The following IPCEF1 variants were observed in gnomAD, a reference collection of about 807,000 sequenced individuals.
The protein encoded by IPCEF1 is interaction protein for cytohesin exchange factors 1.
Under a neutral mutation model 50.9 loss-of-function variants are expected in IPCEF1, and 31 were observed. That is an observed-to-expected ratio of 0.61 (90% CI 0.46 to 0.82). The LOEUF (loss-of-function observed/expected upper bound fraction) is 0.82, where lower values mean the gene tolerates loss of function less well. Ranked by LOEUF, IPCEF1 falls within the 40% of genes least tolerant of loss-of-function variation. The pLI is 0.00. For missense variants in IPCEF1, 458 were observed against 514.0 expected (o/e 0.89, Z 1.05); for synonymous variants, 181 against 192.0 (o/e 0.94, Z 0.47).
chr6:154,237,877 TA>T (rs1338390471), intron 5 of IPCEF1, among the ~76,000 whole-genome samples: 3 of 152,300 alleles, frequency 2.0e-5, no homozygotes, highest in Non-Finnish European at 2.9e-5. Flanking sequence ...TGTCAATACT[TA>T]TACATTTATG....
chr6:154,159,951 G>A lies in IPCEF1; in HGVS notation c.1194C>T (p.Asn398=). Residue 398 remains asparagine (N), a synonymous_variant, in exon 12 of 12, where the codon AAC becomes AAT. Transcript: ENST00000367220. The part of the protein sequence containing the change: ...ARKYREWKVM[N]TLLIQDIYQQ... ...GATAGATGTCCTGGATCAGCAGGGT[G>A]TTCATGACTTTCCACTCTCTGTATT... The A allele has an allele frequency of 1.2e-6, 2 of 1,613,482 alleles. No homozygotes were observed. Among genetic ancestry groups the A allele is most frequent in the Non-Finnish European group, 1.7e-6 (2 of 1,179,964 alleles).
At chr6:154,280,986 G>A (rs926925637) in intron 2 of IPCEF1, among the ~76,000 whole-genome samples, 3 of 152,000 alleles carry the variant, frequency 2.0e-5, no homozygotes, top group Non-Finnish European at 2.9e-5. Context: ...GATTGTTTGA[G>A]GCCAGGAGTT....
At chr6:154,263,853 G>A (rs1256835119) in intron 3 of IPCEF1, among the ~76,000 whole-genome samples, 1 of 43,018 alleles carries the variant, frequency 2.3e-5, no homozygotes, top group Non-Finnish European at 4.9e-5. Flanking sequence ...CTCCCGGACG[G>A]GGCGGCTGGC....
intron 1 of IPCEF1, among the ~76,000 whole-genome samples, chr6:154,332,729 C>G: frequency 6.6e-6 from 1 of 152,206 alleles, no homozygotes; most frequent in East Asian, 1.9e-4. Context: ...GTCAGCACAG[C>G]TATCCTCCAA....
intron 7 of IPCEF1, 60 bp from the exon 8 acceptor site, chr6:154,214,336 T>C (rs1778211532): frequency 9.1e-7 from 1 of 1,100,032 alleles, no homozygotes; most frequent in Non-Finnish European, 1.4e-6. Context: ...CCCATTCACC[T>C]TCCCCCAGAG....
At chr6:154,337,179 T>C (rs1783804836) in intron 1 of IPCEF1, among the ~76,000 whole-genome samples, 1 of 152,128 alleles carries the variant, frequency 6.6e-6, no homozygotes, top group African/African-American at 2.4e-5. Flanking sequence ...CAATAAATTA[T>C]AAAACAGCCA....
At chr6:154,172,334 G>C (rs1225530980) in intron 10 of IPCEF1, among the ~76,000 whole-genome samples, 6 of 152,196 alleles carry the variant, frequency 3.9e-5, no homozygotes, top group Non-Finnish European at 7.4e-5. Flanking sequence ...GCAGGGCTGG[G>C]TGTCACCTCA....
intron 5 of IPCEF1, among the ~76,000 whole-genome samples, chr6:154,232,774 GC>G (rs1779819922): frequency 6.6e-6 from 1 of 152,028 alleles, no homozygotes; most frequent in African/African-American, 2.4e-5. Context: ...CAGTGAATAA[GC>G]AGCTATAACC....
chr6:154,264,001 G>A (rs1583921063), intron 3 of IPCEF1, among the ~76,000 whole-genome samples: 1 of 75,754 alleles, frequency 1.3e-5, no homozygotes, highest in Admixed American at 9.7e-5. Flanking sequence ...CGGGCGGGGG[G>A]CTGACCCCCC....
chr6:154,278,297 T>A (rs1342268913), intron 2 of IPCEF1, among the ~76,000 whole-genome samples: 2 of 152,202 alleles, frequency 1.3e-5, no homozygotes, highest in Non-Finnish European at 2.9e-5. Context: ...GAAGCCAGAC[T>A]GACATTCACC....
At chr6:154,347,006 A>G (rs983320388) in intron 1 of IPCEF1, among the ~76,000 whole-genome samples, 2 of 152,044 alleles carry the variant, frequency 1.3e-5, no homozygotes, top group South Asian at 2.1e-4. Flanking sequence ...CTCAACCCCA[A>G]TTCTCCTCAG....
chr6:154,270,802 C>CCCAT (rs563982188), intron 2 of IPCEF1, among the ~76,000 whole-genome samples: 158 of 152,146 alleles, frequency 1.0e-3, no homozygotes, highest in African/African-American at 3.6e-3. Context: ...ATAGTGAAAT[C>CCCAT]CCATCTCTGC....
chr6:154,227,372 C>T (rs1401375145), intron 5 of IPCEF1, among the ~76,000 whole-genome samples: 1 of 152,034 alleles, frequency 6.6e-6, no homozygotes, highest in Non-Finnish European at 1.5e-5. Context: ...ACAAATCAAT[C>T]AACAAAAATG....
intron 10 of IPCEF1, among the ~76,000 whole-genome samples, chr6:154,174,012 A>G (rs573371332): frequency 6.6e-6 from 1 of 152,348 alleles, no homozygotes; most frequent in African/African-American, 2.4e-5. Flanking sequence ...AGTGGGGGCC[A>G]ATATTCAACA....
chr6:154,293,769 T>A (rs954530883), intron 1 of IPCEF1, among the ~76,000 whole-genome samples: 39 of 152,252 alleles, frequency 2.6e-4, no homozygotes, highest in Admixed American at 2.5e-3. Flanking sequence ...AAAAGCATTA[T>A]TCTTATTCTT....
chr6:154,279,682 A>G (rs1782158652), intron 2 of IPCEF1, among the ~76,000 whole-genome samples: 1 of 152,260 alleles, frequency 6.6e-6, no homozygotes, highest in Non-Finnish European at 1.5e-5. Flanking sequence ...CATTAGAATT[A>G]AGAATTCCCA....
intron 1 of IPCEF1, among the ~76,000 whole-genome samples, chr6:154,344,998 T>C (rs902430354): frequency 2.0e-5 from 3 of 152,188 alleles, no homozygotes; most frequent in African/African-American, 7.2e-5. Context: ...GCCTCCCATG[T>C]AGCTGGGACC....
At chr6:154,209,462 A>G (rs1777780824) in intron 9 of IPCEF1, among the ~76,000 whole-genome samples, 1 of 151,994 alleles carries the variant, frequency 6.6e-6, no homozygotes, top group African/African-American at 2.4e-5. Context: ...ACCAACCTAG[A>G]GAACATGGCA....
chr6:154,244,760 CA>C (rs1295024390), intron 5 of IPCEF1, among the ~76,000 whole-genome samples: 2 of 152,206 alleles, frequency 1.3e-5, no homozygotes, highest in Non-Finnish European at 1.5e-5. Flanking sequence ...TCTATGAAGA[CA>C]GGGACAGCAG....
Sources: gnomAD v4.1 joint callset for allele counts (sites outside exome capture counted in the v4.1 genomes callset) on GRCh38, gnomAD v4.1.1 for gene constraint, MANE v1.5 for transcripts, NCBI Gene and HGNC (gene_info 2026-07-23, HGNC 2026-07-21) for gene names.